The following PRKAR1A variants were observed in gnomAD, a reference collection of about 807,000 sequenced individuals.
The protein encoded by PRKAR1A is protein kinase cAMP-dependent type I regulatory subunit alpha.
PRKAR1A carries 3 observed loss-of-function variants against 52.0 expected under a neutral mutation model. That is an observed-to-expected ratio of 0.06 (90% CI 0.03 to 0.15). The LOEUF is 0.15. Ranked by LOEUF, PRKAR1A falls within the 10% of genes least tolerant of loss-of-function variation. The pLI, the probability that PRKAR1A is intolerant of heterozygous loss-of-function variation, is 1.00. For synonymous variants in PRKAR1A, 188 were observed against 168.4 expected, an observed-to-expected ratio of 1.12 and a Z score of -0.90; for missense variants, 240 against 477.4, an observed-to-expected ratio of 0.50 and a Z score of 4.63.
chr17:68,493,466 G>A, the PRKAR1A span, among the ~76,000 whole-genome samples: 29 of 152,180 alleles, frequency 1.9e-4, no homozygotes, highest in Admixed American at 1.5e-3. Flanking sequence ...GATTCCCCCC[G>A]CACGTGTTCT....
chr17:68,449,863 T>A, the PRKAR1A span, among the ~76,000 whole-genome samples: 2 of 152,310 alleles, frequency 1.3e-5, no homozygotes, highest in Admixed American at 6.5e-5. Context: ...ACAGAAAAAT[T>A]AGCTGGGCGT....
the PRKAR1A span, among the ~76,000 whole-genome samples, chr17:68,444,939 GAGA>G: frequency 2.1e-5 from 1 of 48,468 alleles, no homozygotes; most frequent in Non-Finnish European, 4.2e-5. Context: ...TTTTTTTTTT[GAGA>G]AGGAGTCTCA....
the PRKAR1A span, among the ~76,000 whole-genome samples, chr17:68,458,821 A>G: frequency 6.6e-6 from 1 of 152,190 alleles, no homozygotes; most frequent in Admixed American, 6.5e-5. Context: ...TTATTGTTAT[A>G]TGACAGTCTC....
the PRKAR1A span, among the ~76,000 whole-genome samples, chr17:68,489,186 G>GTGTATA: frequency 9.0e-5 from 1 of 11,076 alleles, no homozygotes; most frequent in Non-Finnish European, 1.7e-4. Context: ...ATCTTGGAAA[G>GTGTATA]TATATATATA....
intron 9 of PRKAR1A, 149 bp from the exon 10 acceptor site, chr17:68,529,771 A>T: frequency 1.3e-6 from 1 of 792,512 alleles, no homozygotes; most frequent in Non-Finnish European, 2.2e-6. Flanking sequence ...GTAAAATAGA[A>T]ATTGAAGCTC....
the PRKAR1A span, among the ~76,000 whole-genome samples, chr17:68,417,733 A>ATTATT: frequency 1.6e-5 from 1 of 60,788 alleles, no homozygotes; most frequent in South Asian, 9.1e-4. Context: ...GAGTTGCTGA[A>ATTATT]TTTTTTTTTT....
At chr17:68,449,852 T>G in the PRKAR1A span, among the ~76,000 whole-genome samples, 23 of 152,056 alleles carry the variant, frequency 1.5e-4, no homozygotes, top group Admixed American at 1.5e-3. Flanking sequence ...TATAAAAAAA[T>G]ACAGAAAAAT....
chr17:68,519,436 G>C (rs1439265439), intron 2 of PRKAR1A, among the ~76,000 whole-genome samples: 1 of 152,190 alleles, frequency 6.6e-6, no homozygotes, highest in Non-Finnish European at 1.5e-5. Flanking sequence ...ACTGTCAGAT[G>C]TCATGAGAGC....
chr17:68,426,254 G>GCCCCCGC, the PRKAR1A span: 1 of 816,924 alleles, frequency 1.2e-6, no homozygotes, highest in Admixed American at 2.3e-5. Flanking sequence ...GGGAGCGGGG[G>GCCCCCGC]CTCAAATAAA....
At chr17:68,426,534 T>A in the PRKAR1A span, among the ~76,000 whole-genome samples, 1 of 152,020 alleles carries the variant, frequency 6.6e-6, no homozygotes, top group Non-Finnish European at 1.5e-5. Context: ...GAAATTTTAG[T>A]TTAGTTTTTA....
chr17:68,478,320 C>T, the PRKAR1A span, among the ~76,000 whole-genome samples: 901 of 152,124 alleles, frequency 5.9e-3, 3 homozygotes, highest in African/African-American at 0.019. Context: ...GGCATGGTGG[C>T]GTGCGCCTGT....
At chr17:68,486,176 C>T in the PRKAR1A span, among the ~76,000 whole-genome samples, 2 of 151,308 alleles carry the variant, frequency 1.3e-5, no homozygotes, top group Admixed American at 6.6e-5. Flanking sequence ...ACACTGGTGC[C>T]TGGACTAAGA....
chr17:68,428,265 CTG>C, the PRKAR1A span: 1 of 151,052 alleles, frequency 6.6e-6, no homozygotes, highest in African/African-American at 2.5e-5. Context: ...GGGTCTCACT[CTG>C]TTGTCCAGGC....
the PRKAR1A span, chr17:68,434,500 G>T: frequency 6.3e-6 from 10 of 1,578,034 alleles, no homozygotes; most frequent in South Asian, 1.1e-5. Context: ...AGCTGCCAGC[G>T]GTCCCTGCGG....
At chr17:68,541,078 G>A in intron 11 of PRKAR1A, 6 of 1,470,288 alleles carry the variant, frequency 4.1e-6, no homozygotes, top group Non-Finnish European at 5.5e-6. Context: ...TGGGCTGGTG[G>A]CAGCTTCTAA....
At chr17:68,514,557 A>G (rs1315094911) in intron 1 of PRKAR1A, among the ~76,000 whole-genome samples, 23 of 152,208 alleles carry the variant, frequency 1.5e-4, no homozygotes, top group Non-Finnish European at 3.2e-4. Flanking sequence ...ATTAAATGCA[A>G]TTTATCCATT....
At chr17:68,453,503 G>A in the PRKAR1A span, among the ~76,000 whole-genome samples, 2 of 148,506 alleles carry the variant, frequency 1.3e-5, no homozygotes, top group South Asian at 4.3e-4. Flanking sequence ...TTTTGAGAGG[G>A]AGTCTCGCTC....
downstream of PRKAR1A, chr17:68,537,268 G>A (rs2086120794): frequency 2.8e-6 from 2 of 725,960 alleles, no homozygotes; most frequent in East Asian, 2.8e-5. The surrounding 1 kb of genome is among the most constrained non-coding windows in gnomAD (Gnocchi z 4.2). Context: ...TGGGAAAAAC[G>A]GAGCAAGGCA....
upstream of PRKAR1A, among the ~76,000 whole-genome samples, chr17:68,507,501 A>T (rs7222188): frequency 6.6e-6 from 1 of 151,986 alleles, no homozygotes; most frequent in Non-Finnish European, 1.5e-5. Context: ...CCTGTTGGGG[A>T]GGCAGGGAGG....
Sources: gnomAD v4.1 joint callset for allele counts (sites outside exome capture counted in the v4.1 genomes callset) on GRCh38, gnomAD v4.1.1 for gene constraint, Gnocchi (gnomAD v3.1) non-coding constraint, MANE v1.5 for transcripts, NCBI Gene and HGNC (gene_info 2026-07-23, HGNC 2026-07-21) for gene names.